Variants in ROBO1 observed in about 807,000 individuals in gnomAD.
The protein encoded by ROBO1 is roundabout guidance receptor 1.
Under a neutral mutation model 195.9 loss-of-function variants are expected in ROBO1, and 149 were observed. That is an observed-to-expected ratio of 0.76 (90% CI 0.67 to 0.87). ROBO1 has a LOEUF of 0.87. Among genes scored for constraint, ROBO1 ranks in the 40% least tolerant of loss-of-function variants. The pLI, the probability that ROBO1 is intolerant of heterozygous loss-of-function variation, is 0.00. For synonymous variants in ROBO1, 816 were observed against 733.2 expected (o/e 1.11, Z -1.82); for missense variants, 1,933 against 2,068.3 (o/e 0.93, Z 1.27).
chr3:79,090,023 T>A (rs899271465), intron 3 of ROBO1, among the ~76,000 whole-genome samples: 1 of 150,616 alleles, frequency 6.6e-6, no homozygotes, highest in African/African-American at 2.5e-5. Flanking sequence ...CACTGCAACC[T>A]CCATCTCCCA....
In ROBO1 at chr3:78,618,061, T is replaced by C. The variant is rs1704236199; in HGVS notation, c.3876-20A>G. 6.3e-7 allele frequency: 1 copy of C among 1,586,316 alleles called. No individual in the cohort carries two copies. Among genetic ancestry groups the C allele is most frequent in the Non-Finnish European group, 8.6e-7 (1 of 1,165,996 alleles). On this transcript the variant is annotated intron_variant, in intron 26 of 30. Coordinates refer to ENST00000464233, the MANE Select transcript of ROBO1 (RefSeq NM_002941.4). ...TGCCGTCTGTATGAAGATGAATAAA[T>C]AGGTCTGGCTCAGCTTGTTATTTAA... is the stretch of plus-strand genomic sequence containing the variant.
chr3:79,602,361 G>A (rs907711327), intron 1 of ROBO1, among the ~76,000 whole-genome samples: 3 of 151,962 alleles, frequency 2.0e-5, no homozygotes, highest in African/African-American at 7.2e-5. Context: ...AATTTTTTCT[G>A]ACTGTCAATT....
At chr3:79,145,925 A>T (rs1422867275) in intron 2 of ROBO1, among the ~76,000 whole-genome samples, 1 of 151,966 alleles carries the variant, frequency 6.6e-6, no homozygotes, top group African/African-American at 2.4e-5. Context: ...ACTGTAGATG[A>T]TGTGATTAGA....
At chr3:78,625,293 T>A (rs1467765817) in intron 26 of ROBO1, among the ~76,000 whole-genome samples, 2 of 152,186 alleles carry the variant, frequency 1.3e-5, no homozygotes, top group Non-Finnish European at 2.9e-5. Context: ...AAAAACTAAA[T>A]AGGAGGATAA....
At position 79,577,717 on chromosome 3, in the gene ROBO1, AACACACACACAC is replaced by A. The variant is rs58998352; in HGVS notation, c.88+12095_88+12106del. On this transcript the variant is annotated intron_variant, in intron 2 of 30. Coordinates refer to ENST00000464233, the MANE Select transcript of ROBO1 (RefSeq NM_002941.4). The stretch of plus-strand genomic sequence containing the variant: ...ATGAAGAAATCCTGTCTTTACTAAA[AACACACACACAC>A]ACACACACACACACACACACACACA... Among the ~76,000 whole-genome samples the A allele has an allele frequency of 4.2e-3, 593 of 140,696 alleles. 2 individuals carry two copies. Among genetic ancestry groups the A allele is most frequent in the African/African-American group, 0.014 (526 of 38,252 alleles). The allele number at this position is 140,696 out of a possible 152,430, so 92.3% of individuals were successfully genotyped here.
At chr3:79,436,996 T>C (rs1236031035) in intron 2 of ROBO1, among the ~76,000 whole-genome samples, 5 of 152,100 alleles carry the variant, frequency 3.3e-5, no homozygotes, top group Non-Finnish European at 7.4e-5. Context: ...TCTGGATTCT[T>C]GATTGTTGCC....
At chr3:79,434,180 C>A (rs998205890) in intron 2 of ROBO1, among the ~76,000 whole-genome samples, 32 of 152,196 alleles carry the variant, frequency 2.1e-4, no homozygotes, top group Non-Finnish European at 3.8e-4. Flanking sequence ...TCTAAAACAC[C>A]AAAAGCAATG....
At chr3:79,065,899 T>G (rs1401715828) in intron 3 of ROBO1, among the ~76,000 whole-genome samples, 4 of 151,946 alleles carry the variant, frequency 2.6e-5, no homozygotes, top group African/African-American at 9.7e-5. Flanking sequence ...GCCAGTCTAT[T>G]TAAAAACGTA....
At chr3:79,015,488 A>T (rs1402634769) in intron 3 of ROBO1, among the ~76,000 whole-genome samples, 2 of 151,844 alleles carry the variant, frequency 1.3e-5, no homozygotes, top group Non-Finnish European at 2.9e-5. Flanking sequence ...TTTTCACTTA[A>T]AAGCAGGTTT....
chr3:79,307,935 C>G (rs1329437907), intron 2 of ROBO1, among the ~76,000 whole-genome samples: 1 of 152,132 alleles, frequency 6.6e-6, no homozygotes, highest in Middle Eastern at 3.2e-3. Context: ...TTTGGAATCA[C>G]TGAGCCTGAT....
At position 78,821,161 on chromosome 3, in the gene ROBO1, A is replaced by ATT. The variant is rs71631622; in HGVS notation, c.500-74263_500-74262dup. Among the ~76,000 whole-genome samples, 253 of 122,154 alleles carry ATT rather than the reference A, an allele frequency of 2.1e-3. 1 individual carries two copies. The highest frequency in any genetic ancestry group is 2.7e-3 in the Non-Finnish European group (161 of 59,554). 80.1% of individuals were successfully genotyped at this position (122,154 alleles called of 152,430 possible). On this transcript the variant is annotated intron_variant, in intron 4 of 30. Transcript: ENST00000464233. The stretch of plus-strand genomic sequence containing the variant: ...CTTATATGTGCATTTTATGATACTG[A>ATT]TTTTTTTTTTTTTTTTTTTTTTGAG...
intron 3 of ROBO1, chr3:79,019,032 C>A: frequency 1.0e-6 from 1 of 989,204 alleles, no homozygotes; most frequent in Non-Finnish European, 1.2e-6. Context: ...CTGGGTGACT[C>A]CGCGCGCAGA....
At chr3:78,656,513 G>A (rs901460385) in intron 18 of ROBO1, among the ~76,000 whole-genome samples, 14 of 152,032 alleles carry the variant, frequency 9.2e-5, no homozygotes, top group Middle Eastern at 3.4e-3. Context: ...ACCACACCCA[G>A]CTAGTTTTTT....
intron 3 of ROBO1, among the ~76,000 whole-genome samples, chr3:78,942,034 C>T (rs1304988826): frequency 6.6e-6 from 1 of 152,150 alleles, no homozygotes; most frequent in Admixed American, 6.5e-5. Context: ...AGCATGGTGG[C>T]TCATGCCTGT....
chr3:79,107,219 TCATAAG>T (rs2108524100), intron 3 of ROBO1, among the ~76,000 whole-genome samples: 1 of 149,622 alleles, frequency 6.7e-6, no homozygotes, highest in Non-Finnish European at 1.5e-5. Flanking sequence ...AGAAAAAAAT[TCATAAG>T]CATAACAAAA....
At chr3:79,289,864 A>G (rs1423993014) in intron 2 of ROBO1, among the ~76,000 whole-genome samples, 1 of 152,078 alleles carries the variant, frequency 6.6e-6, no homozygotes, top group Non-Finnish European at 1.5e-5. Flanking sequence ...AGCCTATGTC[A>G]CATAGGCTGA....
At chr3:78,681,076 C>A (rs1322051454) in intron 10 of ROBO1, among the ~76,000 whole-genome samples, 6 of 151,744 alleles carry the variant, frequency 4.0e-5, no homozygotes, top group African/African-American at 1.2e-4. Flanking sequence ...AGTAAACTAT[C>A]GCAAGGACAA....
At chr3:78,843,873 C>T (rs981070845) in intron 4 of ROBO1, among the ~76,000 whole-genome samples, 9 of 151,952 alleles carry the variant, frequency 5.9e-5, no homozygotes, top group Non-Finnish European at 1.2e-4. Context: ...ATAAGCTGAA[C>T]AAAAGTGGAA....
intron 3 of ROBO1, among the ~76,000 whole-genome samples, chr3:79,058,846 G>C (rs2078861675): frequency 6.6e-6 from 1 of 152,032 alleles, no homozygotes; most frequent in Admixed American, 6.6e-5. Context: ...ATTCTAAAAA[G>C]ATCTAAGAGA....
Sources: allele counts gnomAD v4.1 joint callset (sites outside exome capture counted in the v4.1 genomes callset), GRCh38; gene constraint gnomAD v4.1.1; transcripts MANE v1.5; gene names NCBI Gene and HGNC (gene_info 2026-07-23, HGNC 2026-07-21).